The following ADCY2 variants were observed in gnomAD, a reference collection of about 807,000 sequenced individuals.
ADCY2 encodes adenylate cyclase type 2.
ADCY2 carries 31 observed loss-of-function variants against 125.2 expected under a neutral mutation model. The ratio of observed to expected loss-of-function variants is 0.25; its 90% CI spans 0.19 to 0.33. The LOEUF is 0.33. Among genes scored for constraint, ADCY2 ranks in the 10% least tolerant of loss-of-function variants. The pLI is 1.00. For missense variants in ADCY2, 904 were observed against 1,418.2 expected (o/e 0.64, Z 5.82); for synonymous variants, 512 against 548.4 (o/e 0.93, Z 0.93).
intron 4 of ADCY2, among the ~76,000 whole-genome samples, chr5:7,677,266 G>C (rs745615841): frequency 2.6e-5 from 4 of 151,892 alleles, no homozygotes; most frequent in Non-Finnish European, 2.9e-5. Context: ...CAACAAAAGA[G>C]AAACTCCATC....
chr5:7,487,890 T>TAA (rs1377433608), intron 2 of ADCY2, among the ~76,000 whole-genome samples: 2 of 152,232 alleles, frequency 1.3e-5, no homozygotes, highest in African/African-American at 4.8e-5. Flanking sequence ...TCAGACTGTT[T>TAA]ATTTAGAGAT....
intron 3 of ADCY2, among the ~76,000 whole-genome samples, chr5:7,619,877 A>G (rs928626616): frequency 6.6e-6 from 1 of 152,166 alleles, no homozygotes; most frequent in East Asian, 1.9e-4. Context: ...CATCGATTTC[A>G]AGTTTGCAGT....
At chr5:7,515,339 A>G (rs553283496) in intron 2 of ADCY2, among the ~76,000 whole-genome samples, 2 of 152,294 alleles carry the variant, frequency 1.3e-5, no homozygotes, top group African/African-American at 4.8e-5. Context: ...AACTCTTCAA[A>G]AATGGCCTTC....
intron 4 of ADCY2, among the ~76,000 whole-genome samples, chr5:7,687,318 G>C (rs1481343596): frequency 6.6e-6 from 1 of 152,162 alleles, no homozygotes; most frequent in Non-Finnish European, 1.5e-5. Flanking sequence ...CCTAGAATCT[G>C]TATCTTTCAG....
intron 11 of ADCY2, among the ~76,000 whole-genome samples, chr5:7,713,124 A>C (rs1304783741): frequency 6.6e-6 from 1 of 152,186 alleles, no homozygotes; most frequent in Non-Finnish European, 1.5e-5. Context: ...TCATTTTAGA[A>C]TGTTAAACTG....
intron 2 of ADCY2, among the ~76,000 whole-genome samples, chr5:7,455,150 C>G (rs1489643667): frequency 1.3e-5 from 2 of 152,112 alleles, no homozygotes; most frequent in African/African-American, 4.8e-5. Flanking sequence ...CCTAGGTTCT[C>G]TTTGTGTGTT....
At chr5:7,649,960 C>T (rs775703788) in intron 4 of ADCY2, among the ~76,000 whole-genome samples, 1 of 152,002 alleles carries the variant, frequency 6.6e-6, no homozygotes, top group Non-Finnish European at 1.5e-5. Flanking sequence ...CAGATGGCCC[C>T]AGTTCTACCT....
rs369956327 is a variant in ADCY2 at position 7,414,321 on chromosome 5, A to G, written c.211-252A>G. On this transcript the variant is annotated intron_variant, in intron 1 of 24. Coordinates refer to ENST00000338316, the MANE Select transcript of ADCY2 (RefSeq NM_020546.3). ...AATCCATTTCTGCATTTATCAGGGA[A>G]GATGTAACTTTGATGAGATATTGTT... 3.9e-5 allele frequency among the ~76,000 whole-genome samples: 6 copies of G among 152,302 alleles called. No individual in the cohort carries two copies. The East Asian group carries it at 9.6e-4, about 24-fold the overall frequency.
chr5:7,635,394 G>C (rs920078854), intron 4 of ADCY2, among the ~76,000 whole-genome samples: 2 of 152,148 alleles, frequency 1.3e-5, no homozygotes, highest in Non-Finnish European at 2.9e-5. Flanking sequence ...AATTGATTTA[G>C]TATGGGTTAC....
At chr5:7,603,710 C>T (rs1278381048) in intron 3 of ADCY2, among the ~76,000 whole-genome samples, 1 of 122,888 alleles carries the variant, frequency 8.1e-6, no homozygotes, top group Non-Finnish European at 1.7e-5. Context: ...AAGACACCGT[C>T]GTTAGGGCCA....
At chr5:7,656,454 AT>A (rs1269788108) in intron 4 of ADCY2, among the ~76,000 whole-genome samples, 1 of 152,242 alleles carries the variant, frequency 6.6e-6, no homozygotes, top group Admixed American at 6.5e-5. Flanking sequence ...AAATTAATCA[AT>A]TGATTCCAAG....
At chr5:7,766,879 T>TA in intron 17 of ADCY2, 73 bp downstream of exon 17, 1 of 1,522,120 alleles carries the variant, frequency 6.6e-7, no homozygotes, top group African/African-American at 1.4e-5. Context: ...ATATATCCTT[T>TA]AGTCTCAGAT....
intron 5 of ADCY2, among the ~76,000 whole-genome samples, chr5:7,694,117 C>T (rs865776294): frequency 3.3e-5 from 5 of 152,110 alleles, no homozygotes; most frequent in Non-Finnish European, 5.9e-5. Context: ...TCCCACAGAT[C>T]GTGTCCCTCA....
intron 24 of ADCY2, among the ~76,000 whole-genome samples, chr5:7,826,146 C>G (rs1016885168): frequency 6.6e-6 from 1 of 152,266 alleles, no homozygotes; most frequent in Middle Eastern, 3.4e-3. Flanking sequence ...TAGGTTACTT[C>G]ACTCAAAGGC....
At position 7,643,462 on chromosome 5, in the gene ADCY2, C is replaced by T. The variant is rs191809638; in HGVS notation, c.720+17146C>T. 1.5e-3 allele frequency among the ~76,000 whole-genome samples: 230 copies of T among 152,060 alleles called. 2 individuals carry two copies. The highest frequency in any genetic ancestry group is 3.5e-3 in the Admixed American group (53 of 15,246). ...CTGAAATTTTTATATTTTCTGATAT[C>T]CAGAGATACCAAAGCTGTGTTGAAT... On this transcript the variant is annotated intron_variant, in intron 4 of 24. Coordinates refer to ENST00000338316, the MANE Select transcript of ADCY2 (RefSeq NM_020546.3).
chr5:7,736,928 A>C (rs1303315111), intron 14 of ADCY2, among the ~76,000 whole-genome samples: 1 of 152,188 alleles, frequency 6.6e-6, no homozygotes, highest in Non-Finnish European at 1.5e-5. Context: ...TTTATAAAAA[A>C]AATTAGAGTA....
Position 7,581,792 on chromosome 5 carries a change from G to C in ADCY2, c.571-44375G>C, listed in dbSNP as rs10072689. Among the ~76,000 whole-genome samples, 640 of 148,032 alleles carry C rather than the reference G, an allele frequency of 4.3e-3. 2 individuals carry two copies. Among genetic ancestry groups the C allele is most frequent in the African/African-American group, 0.015 (596 of 39,654 alleles). ...GCTGAGATTGTGCCACTGCACTCCA[G>C]GCTGGCGACAGAGCAAGACTCAGTC... is the stretch of plus-strand genomic sequence containing the variant. On this transcript the variant is annotated intron_variant, in intron 3 of 24. Transcript: ENST00000338316.
At chr5:7,680,055 G>A (rs1740278000) in intron 4 of ADCY2, among the ~76,000 whole-genome samples, 1 of 152,116 alleles carries the variant, frequency 6.6e-6, no homozygotes, top group Non-Finnish European at 1.5e-5. Flanking sequence ...GAGGAACAGA[G>A]GTAAATGAAG....
At chr5:7,454,867 G>A (rs1289158518) in intron 2 of ADCY2, among the ~76,000 whole-genome samples, 1 of 151,952 alleles carries the variant, frequency 6.6e-6, no homozygotes, top group Non-Finnish European at 1.5e-5. Flanking sequence ...CTCTCCTTTG[G>A]TTTTTAGATA....
Sources: allele counts gnomAD v4.1 joint callset (sites outside exome capture counted in the v4.1 genomes callset), GRCh38; gene constraint gnomAD v4.1.1; transcripts MANE v1.5; gene names NCBI Gene and HGNC (gene_info 2026-07-23, HGNC 2026-07-21).